PLEKHG1: variants seen among roughly 807,000 people sequenced by gnomAD.
The protein encoded by PLEKHG1 is pleckstrin homology domain-containing family G member 1.
Under a neutral mutation model 100.8 loss-of-function variants are expected in PLEKHG1, and 44 were observed. The ratio of observed to expected loss-of-function variants is 0.44; its 90% confidence interval spans 0.34 to 0.56. The LOEUF (loss-of-function observed/expected upper bound fraction) is 0.56, where lower values mean the gene tolerates loss of function less well. PLEKHG1 is among the 20% of genes least tolerant of loss of function. The pLI is 0.01. For synonymous variants in PLEKHG1, 640 were observed against 662.5 expected (o/e 0.97, Z 0.52); for missense variants, 1,545 against 1,720.9 (o/e 0.90, Z 1.81).
intron 3 of PLEKHG1, among the ~76,000 whole-genome samples, chr6:150,667,434 T>C (rs1473081362): frequency 6.6e-6 from 1 of 152,222 alleles, no homozygotes; most frequent in African/African-American, 2.4e-5. Context: ...AACAGCATTA[T>C]GTTGTCTTAA....
At chr6:150,832,284 G>A in intron 15 of PLEKHG1, 79 bp downstream of exon 16, 2 of 1,190,438 alleles carry the variant, frequency 1.7e-6, no homozygotes, top group Non-Finnish European at 2.3e-6. Flanking sequence ...CCTTAAAACG[G>A]ACACACCTGT....
chr6:150,733,907 C>A, exon 2 of PLEKHG1: 1 of 1,614,210 alleles, frequency 6.2e-7, no homozygotes, highest in South Asian at 1.1e-5. Flanking sequence ...CGCCACGGGG[C>A]AACAGAACGC....
At chr6:150,662,213 T>G (rs1779221560) in intron 3 of PLEKHG1, among the ~76,000 whole-genome samples, 1 of 152,234 alleles carries the variant, frequency 6.6e-6, no homozygotes, top group Non-Finnish European at 1.5e-5. Flanking sequence ...GGTTTCCTTC[T>G]GGTGTCTTCA....
At chr6:150,723,264 A>G (rs1350651436) in intron 1 of PLEKHG1, among the ~76,000 whole-genome samples, 1 of 152,344 alleles carries the variant, frequency 6.6e-6, no homozygotes, top group African/African-American at 2.4e-5. Flanking sequence ...AGCCAGGGCA[A>G]ACATGCAAAT....
At chr6:150,796,700 T>C (rs1189752330) in intron 5 of PLEKHG1, among the ~76,000 whole-genome samples, 1 of 152,154 alleles carries the variant, frequency 6.6e-6, no homozygotes, top group African/African-American at 2.4e-5. Context: ...GCCTGGCCCC[T>C]CCTAAGTTCT....
intron 1 of PLEKHG1, among the ~76,000 whole-genome samples, chr6:150,616,525 T>C (rs1048783345): frequency 6.6e-6 from 1 of 152,156 alleles, no homozygotes; most frequent in Non-Finnish European, 1.5e-5. Flanking sequence ...GTGTCTTCTC[T>C]AGAGAAAAAA....
At chr6:150,737,281 A>ATTTTT (rs34129872) in intron 2 of PLEKHG1, among the ~76,000 whole-genome samples, 1 of 117,034 alleles carries the variant, frequency 8.5e-6, no homozygotes, top group African/African-American at 3.2e-5. Flanking sequence ...TCATATGGGT[A>ATTTTT]TTTTTTTTTT....
chr6:150,814,396 T>C (rs187828995), intron 10 of PLEKHG1, among the ~76,000 whole-genome samples: 5 of 152,392 alleles, frequency 3.3e-5, no homozygotes, highest in Admixed American at 2.6e-4. Flanking sequence ...AAATGGTTAA[T>C]ATAGTCAATA....
At chr6:150,713,989 CTG>C (rs896464547) in intron 3 of PLEKHG1, among the ~76,000 whole-genome samples, 53 of 152,200 alleles carry the variant, frequency 3.5e-4, no homozygotes, top group Non-Finnish European at 5.9e-5. Flanking sequence ...ATACGTACTG[CTG>C]TAAGATTTCA....
exon 8 of PLEKHG1, chr6:150,809,239 C>T (rs1787341023): frequency 6.2e-7 from 1 of 1,614,064 alleles, no homozygotes. Context: ...AGCTGCTGCT[C>T]ATCACGAAGA....
chr6:150,740,335 C>T (rs1283719706), intron 2 of PLEKHG1, among the ~76,000 whole-genome samples: 1 of 152,208 alleles, frequency 6.6e-6, no homozygotes, highest in Admixed American at 6.5e-5. Flanking sequence ...ACTCTTTTTC[C>T]TTAGCCATAG....
chr6:150,773,755 G>T (rs1784819025), intron 3 of PLEKHG1, among the ~76,000 whole-genome samples: 1 of 151,544 alleles, frequency 6.6e-6, no homozygotes, highest in South Asian at 2.1e-4. Context: ...GATTTTTATT[G>T]AAATTGCATT....
intron 7 of PLEKHG1, 123 bp from the exon 9 acceptor site, chr6:150,808,982 T>G (rs1787316182): frequency 1.4e-6 from 1 of 699,168 alleles, no homozygotes; most frequent in Admixed American, 2.7e-5. Context: ...AGATACCACG[T>G]AGATAGTTAG....
At chr6:150,812,432 G>A (rs1365186570) in intron 10 of PLEKHG1, among the ~76,000 whole-genome samples, 1 of 152,086 alleles carries the variant, frequency 6.6e-6, no homozygotes, top group Non-Finnish European at 1.5e-5. Context: ...AAGGCACTGC[G>A]CTAACAAGGA....
At chr6:150,837,171 TAAAATG>T (rs985266342) in intron 15 of PLEKHG1, among the ~76,000 whole-genome samples, 3 of 152,016 alleles carry the variant, frequency 2.0e-5, no homozygotes, top group Admixed American at 6.6e-5. Flanking sequence ...CAAAAAAACA[TAAAATG>T]AAAATAAAGT....
intron 10 of PLEKHG1, among the ~76,000 whole-genome samples, chr6:150,815,494 G>A (rs890857053): frequency 6.6e-6 from 1 of 152,174 alleles, no homozygotes; most frequent in African/African-American, 2.4e-5. Flanking sequence ...TAAAGGTGAA[G>A]GTATTTTGCA....
At chr6:150,756,010 A>C (rs747537796) in intron 2 of PLEKHG1, among the ~76,000 whole-genome samples, 7 of 152,140 alleles carry the variant, frequency 4.6e-5, no homozygotes, top group Non-Finnish European at 8.8e-5. Flanking sequence ...GGAAATTCAT[A>C]TCTCTTGAAA....
chr6:150,815,062 A>C (rs903586750), intron 10 of PLEKHG1, among the ~76,000 whole-genome samples: 1 of 152,240 alleles, frequency 6.6e-6, no homozygotes, highest in African/African-American at 2.4e-5. Flanking sequence ...ACTATAATGT[A>C]ATCATAATTT....
chr6:150,654,840 A>T (rs144878534), intron 3 of PLEKHG1, among the ~76,000 whole-genome samples: 1 of 152,260 alleles, frequency 6.6e-6, no homozygotes, highest in Non-Finnish European at 1.5e-5. Flanking sequence ...TGAGCTAGAC[A>T]TTGCTAAGAA....
Sources: allele counts gnomAD v4.1 joint callset (sites outside exome capture counted in the v4.1 genomes callset), GRCh38; gene constraint gnomAD v4.1.1; transcripts MANE v1.5; gene names NCBI Gene and HGNC (gene_info 2026-07-23, HGNC 2026-07-21).